Variants in BSCL2 observed in about 807,000 individuals in gnomAD.
The protein encoded by BSCL2 is BSCL2 lipid droplet biogenesis associated, seipin.
BSCL2 carries 41 observed loss-of-function variants against 57.4 expected under a neutral mutation model. That is an observed-to-expected ratio of 0.71 (90% CI 0.56 to 0.93). BSCL2 has a LOEUF of 0.93. BSCL2 is among the 40% of genes least tolerant of loss of function. BSCL2 has a pLI of 0.00. For synonymous variants in BSCL2, 237 were observed against 227.3 expected (o/e 1.04, Z -0.38); for missense variants, 539 against 586.7 (o/e 0.92, Z 0.84).
At chr11:62,708,901 CCCATCCCTAA>C (rs1282856339), upstream of BSCL2, 1 of 932,058 alleles carries the variant, frequency 1.1e-6, no homozygotes, top group African/African-American at 1.6e-5. Context: ...CTCCTTGCAT[CCCATCCCTAA>C]CCCTTGCCTG....
chr11:62,708,856 T>G (rs2083586341), upstream of BSCL2: 527 of 1,265,710 alleles, frequency 4.2e-4, no homozygotes, highest in Non-Finnish European at 5.5e-4. Context: ...TCCTGGGCCC[T>G]TCCTTAGGTC....
chr11:62,706,702 C>T (rs1376891807), intron 1 of BSCL2: 2 of 485,110 alleles, frequency 4.1e-6, no homozygotes, highest in Admixed American at 2.3e-5. Flanking sequence ...CTCCTAGGAC[C>T]TGTAGGCATC....
intron 2 of BSCL2, 133 bp downstream of exon 2, chr11:62,705,168 A>G: frequency 1.0e-6 from 1 of 983,330 alleles, no homozygotes; most frequent in East Asian, 2.6e-5. Flanking sequence ...TGGGCTGTGA[A>G]AGTTGAGAGG....
chr11:62,703,136 G>C (rs992814664), intron 2 of BSCL2, among the ~76,000 whole-genome samples: 1 of 141,674 alleles, frequency 7.1e-6, no homozygotes, highest in African/African-American at 2.6e-5. Context: ...GGCAACAAGG[G>C]TGAAACTCCA....
At chr11:62,706,471 C>G in intron 1 of BSCL2, 1 of 401,504 alleles carries the variant, frequency 2.5e-6, no homozygotes, top group Non-Finnish European at 4.7e-6. Flanking sequence ...CTCTCTGCGG[C>G]AGGTTTCCCT....
intron 3 of BSCL2, 84 bp from the exon 4 acceptor site, chr11:62,694,795 GCA>G: frequency 6.8e-7 from 1 of 1,481,154 alleles, no homozygotes. Context: ...CTTAGCCCCC[GCA>G]ACGCCCCCAA....
At position 62,694,687 on chromosome 11, in the gene BSCL2, G is replaced by A. The variant is rs781147014; in HGVS notation, c.511C>T (p.Arg171Cys). The A allele has an allele frequency of 3.7e-6, 6 of 1,614,078 alleles. No individual in the cohort carries two copies. Among genetic ancestry groups the A allele is most frequent in the Admixed American group, 1.7e-5 (1 of 59,998 alleles). Reference protein sequence around the residue: ...DRVLMYGQPYRVTLELELPES... With the variant: ...DRVLMYGQPYCVTLELELPES... ...GGCAGCTCAAGCTCTAAGGTAACAC[G>A]ATACGGCTGTCCATACATCAGCACC... The change falls in exon 4 of 11, where the codon CGT (arginine) becomes TGT (cysteine). Residue 171 changes from arginine (R) to cysteine (C), a missense_variant. Around this residue, in one of 3 missense-constraint regions of BSCL2, gnomAD observed 218 missense variants for 224.8 expected, o/e 0.97. Transcript: ENST00000360796.
intron 6 of BSCL2, among the ~76,000 whole-genome samples, chr11:62,691,779 G>T (rs899680130): frequency 6.6e-6 from 1 of 152,140 alleles, no homozygotes; most frequent in Non-Finnish European, 1.5e-5. Context: ...GGCCGGACGC[G>T]GTGGCTCACG....
chr11:62,709,513 G>A (rs1399802374), upstream of BSCL2: 2 of 453,336 alleles, frequency 4.4e-6, no homozygotes, highest in African/African-American at 2.0e-5. Context: ...GGAACTCTTA[G>A]GAGGGTAGGG....
intron 3 of BSCL2, among the ~76,000 whole-genome samples, chr11:62,695,064 A>G (rs1474549336): frequency 1.3e-5 from 2 of 152,296 alleles, no homozygotes; most frequent in South Asian, 2.1e-4. Flanking sequence ...CCCAGGGCCC[A>G]GCCTGTCCTC....
At chr11:62,706,482 C>T in intron 1 of BSCL2, 1 of 397,596 alleles carries the variant, frequency 2.5e-6, no homozygotes, top group South Asian at 1.9e-5. Context: ...AGGTTTCCCT[C>T]CGGTTACCGT....
intron 1 of BSCL2, chr11:62,706,197 C>A (rs1472990159): frequency 9.5e-7 from 1 of 1,055,308 alleles, no homozygotes; most frequent in Admixed American, 5.1e-5. Context: ...CGCCCGGAGC[C>A]CCTACCTAAT....
Position 62,690,309 on chromosome 11 carries a change from CGAG to C in BSCL2, c.*55_*57del. On this transcript the variant is annotated 3_prime_UTR_variant, in exon 11 of 11. Coordinates refer to ENST00000360796, the MANE Select transcript of BSCL2 (RefSeq NM_001122955.4). ...ACAAAATAGTTTATTGAAGGAAAAA[CGAG>C]GGGAGAGGAGTCAGGTGGGAAAGTG... 1 of 1,611,086 alleles carries C rather than the reference CGAG, an allele frequency of 6.2e-7. No homozygotes were observed. The highest frequency in any genetic ancestry group is 8.5e-7 in the Non-Finnish European group (1 of 1,178,638).
intron 3 of BSCL2, among the ~76,000 whole-genome samples, chr11:62,701,641 C>A (rs766832475): frequency 9.9e-5 from 15 of 152,104 alleles, no homozygotes; most frequent in Non-Finnish European, 1.8e-4. Context: ...ACCATCCTGG[C>A]CAACATGGTG....
chr11:62,701,408 T>G (rs1053947826), intron 3 of BSCL2, among the ~76,000 whole-genome samples: 1 of 152,220 alleles, frequency 6.6e-6, no homozygotes, highest in Non-Finnish European at 1.5e-5. Flanking sequence ...CATAGCTTAC[T>G]TAGCCTAGCC....
chr11:62,695,278 T>G (rs1203701537), intron 3 of BSCL2, among the ~76,000 whole-genome samples: 1 of 152,154 alleles, frequency 6.6e-6, no homozygotes, highest in East Asian at 1.9e-4. Flanking sequence ...CATGCCCTAG[T>G]TTTTCCTATT....
intron 3 of BSCL2, among the ~76,000 whole-genome samples, chr11:62,695,937 G>A (rs565328250): frequency 5.5e-4 from 83 of 151,974 alleles, no homozygotes; most frequent in African/African-American, 1.9e-3. Flanking sequence ...CACTTTGGGA[G>A]GCTGAGACGA....
At chr11:62,690,905 G>C (rs1433606730) in intron 8 of BSCL2, 38 bp from the exon 9 acceptor site, 1 of 1,609,266 alleles carries the variant, frequency 6.2e-7, no homozygotes, top group Non-Finnish European at 8.5e-7. Context: ...GTTAGGGTTA[G>C]GGTGGCTGTG....
At chr11:62,695,339 C>CAGTATGTTGTTTTATAT (rs1945424893) in intron 3 of BSCL2, among the ~76,000 whole-genome samples, 1 of 151,722 alleles carries the variant, frequency 6.6e-6, no homozygotes, top group Non-Finnish European at 1.5e-5. Flanking sequence ...ACAAGGCCCT[C>CAGTATGTTGTTTTATAT]ACACAGTAGT....
Sources: gnomAD v4.1 joint callset for allele counts (sites outside exome capture counted in the v4.1 genomes callset) on GRCh38, gnomAD v4.1.1 for gene constraint, gnomAD v4.1.1 regional missense constraint, MANE v1.5 for transcripts, NCBI Gene and HGNC (gene_info 2026-07-23, HGNC 2026-07-21) for gene names.